The following IGSF22 variants were observed in gnomAD, a reference collection of about 807,000 sequenced individuals.
IGSF22 encodes the protein immunoglobulin superfamily, member 22.
In IGSF22, 119 loss-of-function variants were observed where a neutral mutation model predicts 127.0. The observed-to-expected ratio is 0.94, with a 90% CI of 0.81 to 1.09. The LOEUF is 1.09. Among genes scored for constraint, IGSF22 ranks in the 50% least tolerant of loss-of-function variants. The pLI is 0.00. For missense variants in IGSF22, 1,518 were observed against 1,716.6 expected, an observed-to-expected ratio of 0.88 and a Z score of 2.04; for synonymous variants, 568 against 664.7, an observed-to-expected ratio of 0.85 and a Z score of 2.24.
chr11:18,708,675 T>C (rs1460512176), intron 18 of IGSF22, among the ~76,000 whole-genome samples: 1 of 152,228 alleles, frequency 6.6e-6, no homozygotes, highest in Non-Finnish European at 1.5e-5. Flanking sequence ...ACCAAGCTAA[T>C]GTTGGGAGAG....
rs1848496670 is a variant in IGSF22, at chr11:18,718,110, G to A, written c.811-17C>T. The stretch of plus-strand genomic sequence containing the variant: ...CTCAGTACCCTGCCTCATGGAACAG[G>A]TAGGAAAGCTGATGAAGGGCTTTAG... On this transcript the variant is annotated splice_polypyrimidine_tract_variant and intron_variant, in intron 8 of 22. Coordinates refer to ENST00000513874, the MANE Select transcript of IGSF22 (RefSeq NM_173588.4). 6.2e-7 allele frequency: 1 copy of A among 1,610,996 alleles called. No individual in the cohort carries two copies. The highest frequency in any genetic ancestry group is 8.5e-7 in the Non-Finnish European group (1 of 1,177,960).
chr11:18,720,488 C>G (rs1202445358), intron 4 of IGSF22, among the ~76,000 whole-genome samples: 1 of 152,090 alleles, frequency 6.6e-6, no homozygotes, highest in Non-Finnish European at 1.5e-5. Flanking sequence ...TAGCCTGATT[C>G]CATAGCAATA....
At chr11:18,714,657 G>A (rs1313113097) in intron 11 of IGSF22, 33 bp from the exon 12 acceptor site, 1 of 1,611,112 alleles carries the variant, frequency 6.2e-7, no homozygotes, top group Non-Finnish European at 8.5e-7. Flanking sequence ...GACTGGCTCA[G>A]GATGTTGGGG....
chr11:18,725,908 C>A (rs925005389), intron 1 of IGSF22, among the ~76,000 whole-genome samples, 166 bp downstream of exon 1: 5 of 152,226 alleles, frequency 3.3e-5, no homozygotes, highest in Admixed American at 6.5e-5. Flanking sequence ...GGGTTAAACT[C>A]TATTCCCTCT....
At chr11:18,714,234 G>A in intron 13 of IGSF22, 43 bp downstream of exon 13, 2 of 1,596,732 alleles carry the variant, frequency 1.3e-6, no homozygotes, top group Non-Finnish European at 8.5e-7. Context: ...TTGTAGGTGG[G>A]CCAGGCATGG....
intron 14 of IGSF22, among the ~76,000 whole-genome samples, chr11:18,712,923 G>A (rs943932836): frequency 2.0e-5 from 3 of 152,124 alleles, no homozygotes; most frequent in Admixed American, 1.3e-4. Flanking sequence ...TGTACGTGGC[G>A]TGTTGAATAT....
intron 16 of IGSF22, 92 bp downstream of exon 16, chr11:18,710,563 A>G (rs930857853): frequency 1.3e-5 from 20 of 1,583,198 alleles, no homozygotes; most frequent in Admixed American, 1.7e-5. Flanking sequence ...AACTTCCAGA[A>G]GAGTTGGATG....
chr11:18,714,026 A>T lies in IGSF22; in HGVS notation c.1921T>A (p.Trp641Arg). Residue 641 changes from tryptophan (W) to arginine (R), a missense_variant, in exon 14 of 23, where the codon TGG (tryptophan) becomes AGG (arginine). Coordinates refer to ENST00000513874, the MANE Select transcript of IGSF22 (RefSeq NM_173588.4). The stretch of plus-strand genomic sequence containing the variant: ...GTCACTTCCATGCCATCCTTGTACC[A>T]TGTCACTTTGGGCAGTGGTTTTCCC... ...FRGKPLPKVTWYKDGMEVTEE... is the reference protein window; with the variant it reads ...FRGKPLPKVTRYKDGMEVTEE... 1 of 1,614,258 alleles carries T rather than the reference A, an allele frequency of 6.2e-7. No homozygotes were observed. The highest frequency in any genetic ancestry group is 8.5e-7 in the Non-Finnish European group (1 of 1,180,036).
intron 7 of IGSF22, 114 bp from the exon 8 acceptor site, chr11:18,718,842 A>G (rs749018190): frequency 1.5e-6 from 1 of 684,612 alleles, no homozygotes; most frequent in Non-Finnish European, 2.6e-6. Flanking sequence ...GACTAGGCTC[A>G]TTAGATAACA....
chr11:18,720,329 A>C, intron 4 of IGSF22, 44 bp from the exon 5 acceptor site: 1 of 1,506,030 alleles, frequency 6.6e-7, no homozygotes, highest in Non-Finnish European at 9.2e-7. Flanking sequence ...AAAAGGAACC[A>C]CAGGGAGACT....
intron 19 of IGSF22, 49 bp downstream of exon 19, chr11:18,708,158 T>A: frequency 6.5e-7 from 1 of 1,532,480 alleles, no homozygotes; most frequent in Non-Finnish European, 8.9e-7. Flanking sequence ...ACAATAGCCA[T>A]CTTGGTTATG....
At chr11:18,724,056 C>T in intron 2 of IGSF22, 72 bp downstream of exon 2, 1 of 1,257,458 alleles carries the variant, frequency 8.0e-7, no homozygotes, top group East Asian at 2.3e-5. Context: ...AAAACTGGGG[C>T]CACCCAAGGG....
intron 11 of IGSF22, 48 bp from the exon 12 acceptor site, chr11:18,714,672 A>G (rs1458879476): frequency 1.2e-6 from 2 of 1,605,344 alleles, no homozygotes. Flanking sequence ...TTGGGGTGGG[A>G]GGGACTTCTG....
At chr11:18,725,241 C>T (rs1848634394) in intron 1 of IGSF22, among the ~76,000 whole-genome samples, 1 of 152,116 alleles carries the variant, frequency 6.6e-6, no homozygotes, top group Non-Finnish European at 1.5e-5. Context: ...CATTCTCCTG[C>T]CTCAGCCTCC....
At chr11:18,706,815 C>A in intron 21 of IGSF22, 99 bp downstream of exon 21, 1 of 937,962 alleles carries the variant, frequency 1.1e-6, no homozygotes. Flanking sequence ...CAATGGTTTT[C>A]AGATTTTATC....
chr11:18,706,696 G>C, intron 21 of IGSF22: 1 of 476,380 alleles, frequency 2.1e-6, no homozygotes. Flanking sequence ...CGTCCTCTCT[G>C]CCCCCAAAGG....
In IGSF22 at chr11:18,708,312, AGAGGTG is replaced by A; in HGVS notation, c.2999-23_2999-18del. 6.6e-7 allele frequency: 1 copy of A among 1,525,926 alleles called. No homozygotes were observed. Among genetic ancestry groups the A allele is most frequent in the Non-Finnish European group, 8.8e-7 (1 of 1,134,472 alleles). 94.5% of individuals were successfully genotyped at this position (1,525,926 alleles called of 1,614,324 possible). A position where few individuals can be genotyped will look rare whatever the true frequency, so the allele number is the denominator to read the frequency against. On this transcript the variant is annotated intron_variant, in intron 18 of 22. Transcript: ENST00000513874. ...TGGGTGCAGCTGAGATGGAGGAGACAGAGGTGGAGGCATGGATCTGTCTTTCAAGAA... is the reference window on the plus strand; with the variant it reads ...TGGGTGCAGCTGAGATGGAGGAGACAGAGGCATGGATCTGTCTTTCAAGAA...
chr11:18,722,159 T>TG, intron 2 of IGSF22, 118 bp from the exon 3 acceptor site: 1 of 1,236,698 alleles, frequency 8.1e-7, no homozygotes, highest in Admixed American at 1.9e-5. Flanking sequence ...TTTAGGGAAG[T>TG]GGGAGCAGGA....
intron 22 of IGSF22, 190 bp downstream of exon 22, chr11:18,705,627 C>T: frequency 1.7e-6 from 1 of 604,928 alleles, no homozygotes; most frequent in South Asian, 2.0e-5. Flanking sequence ...TCTGCAGGGG[C>T]CAGGCATATA....
Sources: gnomAD v4.1 joint callset for allele counts (sites outside exome capture counted in the v4.1 genomes callset) on GRCh38, gnomAD v4.1.1 for gene constraint, MANE v1.5 for transcripts, NCBI Gene and HGNC (gene_info 2026-07-23, HGNC 2026-07-21) for gene names.